Variants in BHMT observed in about 807,000 individuals in gnomAD.
BHMT encodes betaine--homocysteine S-methyltransferase.
A neutral mutation model predicts 49.5 loss-of-function variants in BHMT; 38 were observed. The ratio of observed to expected loss-of-function variants is 0.77; its 90% CI spans 0.59 to 1.01. The LOEUF (loss-of-function observed/expected upper bound fraction) is 1.01. Among genes scored for constraint, BHMT ranks in the 50% least tolerant of loss-of-function variants. BHMT has a pLI of 0.00. For synonymous variants in BHMT, 166 were observed against 176.3 expected (o/e 0.94, Z 0.46); for missense variants, 426 against 495.7 (o/e 0.86, Z 1.34).
At chr5:79,117,912 C>T (rs1427139427) in intron 2 of BHMT, among the ~76,000 whole-genome samples, 1 of 151,814 alleles carries the variant, frequency 6.6e-6, no homozygotes, top group East Asian at 1.9e-4. Flanking sequence ...AGTTTTTTTC[C>T]ACTATCTTAC....
At chr5:79,112,052 C>A in intron 1 of BHMT, 134 bp downstream of exon 1, 1 of 1,107,386 alleles carries the variant, frequency 9.0e-7, no homozygotes, top group Non-Finnish European at 1.2e-6. Context: ...CCTCCCTCAG[C>A]CTCAGACCAG....
chr5:79,113,633 G>T (rs1282188633), intron 1 of BHMT, among the ~76,000 whole-genome samples: 1 of 152,174 alleles, frequency 6.6e-6, no homozygotes, highest in East Asian at 1.9e-4. Context: ...CTAGTTTGTT[G>T]TTGAGGCAAA....
intron 7 of BHMT, among the ~76,000 whole-genome samples, chr5:79,129,518 T>G (rs1039303527): frequency 6.6e-6 from 1 of 152,180 alleles, no homozygotes; most frequent in East Asian, 1.9e-4. Flanking sequence ...TCTTTATTCA[T>G]GCTCAGGAGT....
chr5:79,124,944 A>G (rs1320700095), intron 5 of BHMT, among the ~76,000 whole-genome samples: 2 of 152,164 alleles, frequency 1.3e-5, no homozygotes, highest in Non-Finnish European at 2.9e-5. Flanking sequence ...TCTAAATTAC[A>G]TTCTGCTGCT....
chr5:79,120,586 A>T, intron 4 of BHMT, 45 bp downstream of exon 4: 2 of 1,541,590 alleles, frequency 1.3e-6, no homozygotes, highest in Non-Finnish European at 1.7e-6. Flanking sequence ...CACCTAGTAC[A>T]TTTTCTCTAC....
At chr5:79,122,949 T>G (rs72764959) in intron 5 of BHMT, among the ~76,000 whole-genome samples, 4,990 of 152,220 alleles carry the variant, frequency 0.033, 119 homozygotes, top group Non-Finnish European at 0.045. Flanking sequence ...GATGAATCAG[T>G]GCAATCTTGG....
chr5:79,128,744 G>A (rs1045361236), intron 7 of BHMT, among the ~76,000 whole-genome samples: 1 of 152,002 alleles, frequency 6.6e-6, no homozygotes, highest in Non-Finnish European at 1.5e-5. Context: ...AAATAAGACA[G>A]GCAAGGTCTT....
In BHMT at chr5:79,126,136, G is replaced by A. The variant is rs3733890; in HGVS notation, c.716G>A (p.Arg239Gln). Residue 239 changes from arginine to glutamine, a missense_variant, in exon 6 of 8, where the codon CGA (arginine) becomes CAA (glutamine). This residue lies in a region of BHMT where 321 missense variants were observed against 355.9 expected (regional missense o/e 0.90). Transcript: ENST00000274353. ...KLMKEGLEAA[R>Q]LKAHLMSQPL... ...ATGAAGGAGGGCTTGGAGGCTGCCC[G>A]ACTGAAAGCTCACCTGATGAGCCAG... 0.29 allele frequency: 469,868 copies of A among 1,612,820 alleles called. 69,618 individuals carry two copies. The highest frequency in any genetic ancestry group is 0.37 in the Admixed American group (22,101 of 59,948).
At chr5:79,120,287 A>G in intron 3 of BHMT, 63 bp from the exon 4 acceptor site, 1 of 1,399,258 alleles carries the variant, frequency 7.1e-7, no homozygotes, top group Non-Finnish European at 9.6e-7. Flanking sequence ...TGAATGTTTG[A>G]ATAATAATTT....
chr5:79,126,747 A>C (rs10037045), intron 6 of BHMT, among the ~76,000 whole-genome samples: 5 of 151,798 alleles, frequency 3.3e-5, no homozygotes, highest in Non-Finnish European at 7.4e-5. Flanking sequence ...GTGACTGTAT[A>C]ACAAGTTTTA....
chr5:79,112,065 T>A (rs1756310190), intron 1 of BHMT, 147 bp downstream of exon 1: 2 of 1,054,796 alleles, frequency 1.9e-6, no homozygotes, highest in African/African-American at 3.3e-5. Flanking sequence ...CAGACCAGAA[T>A]GTGCTTCCAG....
chr5:79,118,023 G>A (rs1756412530), intron 2 of BHMT, among the ~76,000 whole-genome samples: 1 of 152,148 alleles, frequency 6.6e-6, no homozygotes, highest in African/African-American at 2.4e-5. Context: ...CAGAATATCT[G>A]TGGATTTGAC....
intron 5 of BHMT, among the ~76,000 whole-genome samples, chr5:79,125,337 TC>T (rs1021088530): frequency 2.6e-5 from 4 of 151,152 alleles, no homozygotes; most frequent in Non-Finnish European, 5.9e-5. Flanking sequence ...GCGCCTATAG[TC>T]CCAGCTACTC....
intron 1 of BHMT, among the ~76,000 whole-genome samples, chr5:79,112,522 C>T (rs1216377318): frequency 1.3e-5 from 2 of 152,248 alleles, no homozygotes; most frequent in East Asian, 1.9e-4. Flanking sequence ...CCGCCGGGTT[C>T]TCGCTGCACC....
chr5:79,125,330 C>A (rs1055829234), intron 5 of BHMT, among the ~76,000 whole-genome samples: 3 of 151,792 alleles, frequency 2.0e-5, no homozygotes, highest in East Asian at 3.9e-4. Context: ...GTGGTGTGCG[C>A]CTATAGTCCC....
chr5:79,127,951 G>A lies in BHMT; in HGVS notation c.1005G>A (p.Leu335=). The part of the protein sequence containing the change: ...SEKHGSWGSG[L]DMHTKPWVRA... ...AACATGGCAGCTGGGGAAGTGGTTTGGACATGCACACCAAACCCTGGGTTA... is the reference window on the plus strand; with the variant it reads ...AACATGGCAGCTGGGGAAGTGGTTTAGACATGCACACCAAACCCTGGGTTA... Residue 335 remains leucine, a synonymous_variant, in exon 7 of 8, where the codon TTG becomes TTA. Coordinates refer to ENST00000274353, the MANE Select transcript of BHMT (RefSeq NM_001713.3). The A allele has an allele frequency of 1.9e-6, 3 of 1,613,848 alleles. No homozygotes were observed. Among genetic ancestry groups the A allele is most frequent in the Non-Finnish European group, 2.5e-6 (3 of 1,179,888 alleles).
chr5:79,119,553 T>A (rs1174430174), intron 3 of BHMT, 176 bp downstream of exon 3: 2 of 480,518 alleles, frequency 4.2e-6, no homozygotes, highest in African/African-American at 2.0e-5. Flanking sequence ...TCCCCAAAAT[T>A]AACAAAGAGG....
chr5:79,127,941 G>T lies in BHMT; in HGVS notation c.995G>T (p.Gly332Val). 1 of 1,614,042 alleles carries T rather than the reference G, an allele frequency of 6.2e-7. No individual in the cohort carries two copies. The highest frequency in any genetic ancestry group is 8.5e-7 in the Non-Finnish European group (1 of 1,179,952). Residue 332 changes from glycine (G) to valine (V), a missense_variant, in exon 7 of 8, where the codon GGA becomes GTA. By Grantham distance (109) the Gly-to-Val change is moderately radical. This residue lies in a region of BHMT where 32 missense variants were observed against 71.6 expected (regional missense o/e 0.45). Coordinates refer to ENST00000274353, the MANE Select transcript of BHMT (RefSeq NM_001713.3). ...PPASEKHGSW[G>V]SGLDMHTKPW... ...GCTTCAGAAAAACATGGCAGCTGGG[G>T]AAGTGGTTTGGACATGCACACCAAA...
At chr5:79,115,996 C>A in intron 2 of BHMT, 97 bp downstream of exon 2, 1 of 1,392,892 alleles carries the variant, frequency 7.2e-7, no homozygotes, top group Non-Finnish European at 9.4e-7. Context: ...GGTGGGAAGA[C>A]CACTTGAGCC....
Sources: allele counts gnomAD v4.1 joint callset (sites outside exome capture counted in the v4.1 genomes callset), GRCh38; gene constraint gnomAD v4.1.1; regional missense constraint gnomAD v4.1.1; transcripts MANE v1.5; gene names NCBI Gene and HGNC (gene_info 2026-07-23, HGNC 2026-07-21).